The following STON2 variants were observed in gnomAD, a reference collection of about 807,000 sequenced individuals.
STON2 encodes stonin-2.
A neutral mutation model predicts 65.7 loss-of-function variants in STON2; 29 were observed. The ratio of observed to expected loss-of-function variants is 0.44; its 90% CI spans 0.33 to 0.60. STON2 has a LOEUF of 0.60. STON2 is among the 20% of genes least tolerant of loss of function. The probability of loss-of-function intolerance (pLI) is 0.03; values close to 1 mark genes in which losing one functional copy is unlikely to be tolerated. For synonymous variants in STON2, 404 were observed against 414.2 expected (o/e 0.98, Z 0.30); for missense variants, 1,054 against 1,118.1 (o/e 0.94, Z 0.82).
intron 3 of STON2, among the ~76,000 whole-genome samples, chr14:81,392,117 A>G (rs1043477076): frequency 1.3e-5 from 2 of 152,230 alleles, no homozygotes; most frequent in African/African-American, 4.8e-5. Context: ...GCAATATGTT[A>G]AAAATATCAA....
At chr14:81,434,614 G>A (rs1191124438) in intron 1 of STON2, among the ~76,000 whole-genome samples, 1 of 152,108 alleles carries the variant, frequency 6.6e-6, no homozygotes, top group Non-Finnish European at 1.5e-5. Context: ...TGGGGGATAG[G>A]GGGTAGTATG....
chr14:81,291,616 T>C (rs1895555275), intron 5 of STON2, among the ~76,000 whole-genome samples: 1 of 151,892 alleles, frequency 6.6e-6, no homozygotes. Context: ...TTATTTATTA[T>C]GTTACAAAAC....
intron 5 of STON2, among the ~76,000 whole-genome samples, chr14:81,317,364 G>A (rs1896664042): frequency 6.6e-6 from 1 of 152,238 alleles, no homozygotes; most frequent in Non-Finnish European, 1.5e-5. Context: ...GAATTGGAGG[G>A]GACAAATATA....
intron 7 of STON2, 60 bp downstream of exon 7, chr14:81,270,610 G>A: frequency 6.2e-7 from 1 of 1,613,984 alleles, no homozygotes; most frequent in Non-Finnish European, 8.5e-7. Flanking sequence ...ATAAGAGGGG[G>A]AGGGTAGTGG....
intron 4 of STON2, among the ~76,000 whole-genome samples, chr14:81,326,268 G>A (rs746592811): frequency 2.0e-5 from 3 of 152,206 alleles, no homozygotes; most frequent in Non-Finnish European, 4.4e-5. Context: ...AAGACCTCAT[G>A]TTGGTTTCCT....
intron 2 of STON2, among the ~76,000 whole-genome samples, chr14:81,419,574 A>G (rs958705723): frequency 4.6e-5 from 7 of 152,224 alleles, no homozygotes; most frequent in Non-Finnish European, 8.8e-5. Flanking sequence ...GGTGGCCAAC[A>G]CCACTCACTT....
intron 4 of STON2, among the ~76,000 whole-genome samples, chr14:81,346,314 T>A (rs1897807928): frequency 6.6e-6 from 1 of 152,122 alleles, no homozygotes; most frequent in African/African-American, 2.4e-5. Context: ...TAAAGAAGAA[T>A]GTCAGCACAA....
At chr14:81,370,802 T>C (rs779824596) in intron 4 of STON2, among the ~76,000 whole-genome samples, 186 bp downstream of exon 4, 1 of 152,184 alleles carries the variant, frequency 6.6e-6, no homozygotes, top group African/African-American at 2.4e-5. Context: ...AGGATCCAAT[T>C]TGTGTATACA....
chr14:81,261,499 A>T lies in STON2; in HGVS notation c.*6915T>A. The T allele has an allele frequency of 3.9e-6, 1 of 254,942 alleles. No individual in the cohort carries two copies. Among genetic ancestry groups the T allele is most frequent in the Non-Finnish European group, 7.4e-6 (1 of 135,732 alleles). The allele number at this position is 254,942 out of a possible 1,614,324, so 15.8% of individuals were successfully genotyped here. On this transcript the variant is annotated 3_prime_UTR_variant, in exon 8 of 8. Transcript: ENST00000614646. ...TTTTGTAGCTTGTACATAGTTTAAA[A>T]TTTTTTTAACTACAATTTGATGTTA...
upstream of STON2, among the ~76,000 whole-genome samples, chr14:81,402,698 G>GA (rs1900665838): frequency 6.6e-6 from 1 of 152,124 alleles, no homozygotes; most frequent in African/African-American, 2.4e-5. Context: ...TTGAGCTCTG[G>GA]AGCTTACCCT....
At chr14:81,300,186 T>G (rs1455651548) in intron 5 of STON2, among the ~76,000 whole-genome samples, 1 of 152,044 alleles carries the variant, frequency 6.6e-6, no homozygotes, top group Admixed American at 6.6e-5. Context: ...TGCCATGGAA[T>G]TCAAGAAAAA....
At chr14:81,350,094 G>T (rs946239187) in intron 4 of STON2, among the ~76,000 whole-genome samples, 7 of 152,076 alleles carry the variant, frequency 4.6e-5, no homozygotes, top group African/African-American at 1.4e-4. Context: ...AGAGAGGTTG[G>T]TTAATGGGTA....
chr14:81,329,078 T>A (rs1017989201), intron 4 of STON2, among the ~76,000 whole-genome samples: 2 of 152,094 alleles, frequency 1.3e-5, no homozygotes, highest in East Asian at 3.9e-4. Flanking sequence ...TATTTGGAAA[T>A]AGGGTGTTTA....
chr14:81,320,724 C>G (rs1343172024), intron 5 of STON2, among the ~76,000 whole-genome samples: 1 of 152,022 alleles, frequency 6.6e-6, no homozygotes. Flanking sequence ...TGACACTCCC[C>G]TCTTATGAGG....
At chr14:81,399,746 A>G (rs1310191319) in intron 1 of STON2, among the ~76,000 whole-genome samples, 1 of 152,246 alleles carries the variant, frequency 6.6e-6, no homozygotes, top group East Asian at 1.9e-4. Context: ...TCTATGGATA[A>G]AGAAATTTGG....
intron 3 of STON2, among the ~76,000 whole-genome samples, chr14:81,379,557 A>G (rs1446351787): frequency 6.6e-6 from 1 of 152,204 alleles, no homozygotes; most frequent in Non-Finnish European, 1.5e-5. Flanking sequence ...CCTAAGCAAG[A>G]AGAACACAGC....
intron 5 of STON2, among the ~76,000 whole-genome samples, chr14:81,301,248 G>C (rs1895957605): frequency 6.6e-6 from 1 of 151,984 alleles, no homozygotes; most frequent in African/African-American, 2.4e-5. Flanking sequence ...TTTGTTACTA[G>C]GCAGTAAACC....
upstream of STON2, among the ~76,000 whole-genome samples, chr14:81,401,411 T>C (rs1900606974): frequency 6.6e-6 from 1 of 151,214 alleles, no homozygotes; most frequent in African/African-American, 2.4e-5. Context: ...ATTGATCACA[T>C]GGAACCCCCC....
chr14:81,285,299 T>C (rs1282388460), intron 5 of STON2, among the ~76,000 whole-genome samples: 1 of 152,178 alleles, frequency 6.6e-6, no homozygotes, highest in East Asian at 1.9e-4. Context: ...CTGTGATTCA[T>C]GAGAGAAGTT....
Sources: gnomAD v4.1 joint callset for allele counts (sites outside exome capture counted in the v4.1 genomes callset) on GRCh38, gnomAD v4.1.1 for gene constraint, MANE v1.5 for transcripts, NCBI Gene and HGNC (gene_info 2026-07-23, HGNC 2026-07-21) for gene names.